Variants in DHX32 observed in about 807,000 individuals in gnomAD.
The protein encoded by DHX32 is DEAH-box helicase 32 (putative), also known as putative pre-mRNA-splicing factor ATP-dependent RNA helicase DHX32.
A neutral mutation model predicts 70.0 loss-of-function variants in DHX32; 51 were observed. That is an observed-to-expected ratio of 0.73 (90% confidence interval 0.58 to 0.92). The LOEUF (loss-of-function observed/expected upper bound fraction) is 0.92. DHX32 is among the 40% of genes least tolerant of loss of function. The pLI is 0.00. For synonymous variants in DHX32, 310 were observed against 315.3 expected (o/e 0.98, Z 0.18); for missense variants, 762 against 891.8 (o/e 0.85, Z 1.85).
intron 2 of DHX32, among the ~76,000 whole-genome samples, chr10:125,865,215 G>C (rs1944213601): frequency 6.6e-6 from 1 of 152,058 alleles, no homozygotes; most frequent in Non-Finnish European, 1.5e-5. Flanking sequence ...ACCCTTTCAG[G>C]GTCCTATGTC....
intron 6 of DHX32, among the ~76,000 whole-genome samples, chr10:125,850,443 C>T (rs1395371381): frequency 6.6e-6 from 1 of 151,252 alleles, no homozygotes; most frequent in African/African-American, 2.4e-5. Flanking sequence ...CCGCAACCTC[C>T]ACCTCCTGAG....
chr10:125,871,611 C>T (rs776667471), intron 1 of DHX32, among the ~76,000 whole-genome samples: 13 of 152,190 alleles, frequency 8.5e-5, no homozygotes, highest in Admixed American at 3.3e-4. Flanking sequence ...TGTTAGAGTT[C>T]TCCAGTTTTA....
chr10:125,860,136 T>G (rs1414009019), intron 2 of DHX32, among the ~76,000 whole-genome samples, 161 bp from the exon 3 acceptor site: 1 of 152,142 alleles, frequency 6.6e-6, no homozygotes, highest in Non-Finnish European at 1.5e-5. Context: ...TCTACAGAAT[T>G]ATAGCACAAA....
chr10:125,857,887 T>TG (rs981953646), intron 3 of DHX32, among the ~76,000 whole-genome samples: 1 of 151,394 alleles, frequency 6.6e-6, no homozygotes, highest in Non-Finnish European at 1.5e-5. Flanking sequence ...TGGTTTTTTT[T>TG]TTTTAATTTT....
chr10:125,859,508 C>G, intron 3 of DHX32, 95 bp downstream of exon 3: 1 of 1,350,112 alleles, frequency 7.4e-7, no homozygotes, highest in Middle Eastern at 2.5e-4. Flanking sequence ...AATATTTAAA[C>G]AGTTAATTAG....
chr10:125,876,717 C>T (rs1944285681), intron 1 of DHX32, among the ~76,000 whole-genome samples: 1 of 152,112 alleles, frequency 6.6e-6, no homozygotes, highest in Non-Finnish European at 1.5e-5. Context: ...ATGTCAAAGT[C>T]ATAAAGGACA....
At chr10:125,849,525 C>A (rs1944063857) in intron 6 of DHX32, among the ~76,000 whole-genome samples, 1 of 152,192 alleles carries the variant, frequency 6.6e-6, no homozygotes, top group African/African-American at 2.4e-5. Context: ...AGCCTTTAAA[C>A]AGATAATAGT....
intron 2 of DHX32, among the ~76,000 whole-genome samples, chr10:125,865,509 G>C (rs1413008573): frequency 6.6e-6 from 1 of 152,122 alleles, no homozygotes. Context: ...AAGTAGCTTA[G>C]TACAAACCGA....
rs532595255 is a variant in DHX32, at chr10:125,894,517, T to C, written c.-248+1701A>G. 9.3e-4 allele frequency among the ~76,000 whole-genome samples: 141 copies of C among 152,406 alleles called. No individual in the cohort carries two copies. The East Asian group carries it at 0.026, about 28-fold the overall frequency. On this transcript the variant is annotated intron_variant, in intron 1 of 2. Transcript: ENST00000415732. ...TGCCTTTACTTGTCACCTAAAGTATTTCAATTCAAAATTTCCTCAAAGTCA... is the reference window on the plus strand; with the variant it reads ...TGCCTTTACTTGTCACCTAAAGTATCTCAATTCAAAATTTCCTCAAAGTCA...
chr10:125,890,232 T>TATGTTTTTCATAGAAA lies in DHX32; in HGVS notation c.-248+5985_-248+5986insTTTCTATGAAAAACAT. Among the ~76,000 whole-genome samples the TATGTTTTTCATAGAAA allele has an allele frequency of 4.6e-5, 7 of 152,426 alleles. No homozygotes were observed. In the South Asian group the frequency reaches 1.4e-3, roughly 32 times the overall value. On this transcript the variant is annotated intron_variant, in intron 1 of 2. Transcript: ENST00000415732. The stretch of plus-strand genomic sequence containing the variant: ...TTTATAGATTTGAAAAACATATTTC[T>TATGTTTTTCATAGAAA]AACACAAAGTTACAGTCAAATATTT...
At chr10:125,853,134 G>A (rs772723911) in intron 4 of DHX32, 8 of 1,607,676 alleles carry the variant, frequency 5.0e-6, no homozygotes, top group Admixed American at 3.4e-5. Context: ...GGTGGTTCAC[G>A]GGGGCAAGTG....
intron 3 of DHX32, among the ~76,000 whole-genome samples, chr10:125,857,222 T>TC (rs1291513779): frequency 6.6e-6 from 1 of 152,142 alleles, no homozygotes; most frequent in Non-Finnish European, 1.5e-5. Flanking sequence ...AAAAGAAAAG[T>TC]CCATCAGTAT....
Position 125,859,683 on chromosome 10 carries a change from CA to C in DHX32, c.768del (p.Phe256LeufsTer21), listed in dbSNP as rs2134053417. 2 of 1,613,708 alleles carry C rather than the reference CA, an allele frequency of 1.2e-6. No homozygotes were observed. The highest frequency in any genetic ancestry group is 4.5e-5 in the East Asian group (2 of 44,860). Reference protein sequence around the residue: ...VYLSEAQKDSFESILRLIFEI... With the variant: ...VYLSEAQKDSXESILRLIFEI... ...TCAAAGATAAGGCGTAAAATAGACT[CA>C]AAAGAATCCTTTTGAGCCTCACTAA... On this transcript the variant is annotated frameshift_variant, in exon 3 of 11. Transcript: ENST00000284690. LOFTEE classifies it high-confidence loss of function.
chr10:125,863,594 C>T (rs1400270693), intron 2 of DHX32, among the ~76,000 whole-genome samples: 1 of 151,996 alleles, frequency 6.6e-6, no homozygotes, highest in Non-Finnish European at 1.5e-5. Context: ...ACTATAGGCA[C>T]CTGCCACCAC....
chr10:125,844,109 T>G (rs1667796546), intron 6 of DHX32, among the ~76,000 whole-genome samples: 1 of 152,004 alleles, frequency 6.6e-6, no homozygotes, highest in Admixed American at 6.6e-5. Context: ...GAAATCACAA[T>G]CATGGGAAAT....
chr10:125,879,522 G>T (rs1485329297), intron 1 of DHX32, among the ~76,000 whole-genome samples: 2 of 152,168 alleles, frequency 1.3e-5, no homozygotes, highest in Non-Finnish European at 2.9e-5. Flanking sequence ...AATGTCTTTT[G>T]TCTTACTTTC....
In DHX32 at chr10:125,836,385, G is replaced by A; in HGVS notation, c.*302C>T. ...TTCAGATTAAGTTCCTCTACAAAAA[G>A]TAGGGTTCTGTCCCATGTGTCTCTG... On this transcript the variant is annotated 3_prime_UTR_variant, in exon 11 of 11. Coordinates refer to ENST00000284690, the MANE Select transcript of DHX32 (RefSeq NM_018180.3). 1 of 1,551,450 alleles carries A rather than the reference G, an allele frequency of 6.4e-7. No homozygotes were observed. The highest frequency in any genetic ancestry group is 8.7e-7 in the Non-Finnish European group (1 of 1,151,812).
rs773476096 is a variant in DHX32 at position 125,859,981 on chromosome 10, A to G, written c.477-6T>C. 1 of 1,526,108 alleles carries G rather than the reference A, an allele frequency of 6.6e-7. No homozygotes were observed. Among genetic ancestry groups the G allele is most frequent in the South Asian group, 1.3e-5 (1 of 75,600 alleles). 94.5% of individuals were successfully genotyped at this position (1,526,108 alleles called of 1,614,324 possible). ...GCATATCATCAGTACAATACCTATAAAGAAGAAACATTAAAGTTAGAATAT... is the reference window on the plus strand; with the variant it reads ...GCATATCATCAGTACAATACCTATAGAGAAGAAACATTAAAGTTAGAATAT... On this transcript the variant is annotated splice_region_variant and splice_polypyrimidine_tract_variant and intron_variant, in intron 2 of 10. Coordinates refer to ENST00000284690, the MANE Select transcript of DHX32 (RefSeq NM_018180.3).
intron 1 of DHX32, among the ~76,000 whole-genome samples, chr10:125,892,541 G>C (rs1944377478): frequency 6.6e-6 from 1 of 152,254 alleles, no homozygotes; most frequent in Non-Finnish European, 1.5e-5. Context: ...CTCCAGTTCA[G>C]CCACAATAAA....
Sources: gnomAD v4.1 joint callset for allele counts (sites outside exome capture counted in the v4.1 genomes callset) on GRCh38, gnomAD v4.1.1 for gene constraint, MANE v1.5 for transcripts, NCBI Gene and HGNC (gene_info 2026-07-23, HGNC 2026-07-21) for gene names.